Variants in CEP295NL observed in about 807,000 individuals in gnomAD.
CEP295NL encodes the protein protein DDC8 homolog.
Under a neutral mutation model 4.6 loss-of-function variants are expected in CEP295NL, and 3 were observed. The observed-to-expected ratio is 0.65, with a 90% CI of 0.30 to 1.69. The LOEUF (loss-of-function observed/expected upper bound fraction) is 1.69, where lower values mean the gene tolerates loss of function less well. Among genes scored for constraint, CEP295NL ranks in the 40% most tolerant of loss-of-function variants. The probability of loss-of-function intolerance (pLI) is 0.10; values close to 1 mark genes in which losing one functional copy is unlikely to be tolerated. For synonymous variants in CEP295NL, 295 were observed against 312.2 expected (o/e 0.94, Z 0.58); for missense variants, 719 against 769.0 (o/e 0.93, Z 0.77).
chr17:78,890,771 C>T lies in CEP295NL; in HGVS notation c.1733G>A (p.Ser578Asn). Reference sequence around the variant, plus strand: ...ACTGTGCCGGTCGTCGTCGGCGAGGCTGGTGCCCGATGGGGAAGTGGTGCT... The same window carrying T: ...ACTGTGCCGGTCGTCGTCGGCGAGGTTGGTGCCCGATGGGGAAGTGGTGCT... ...ELSTTSPSGT[S>N]LADDDRHSQM... Residue 578 changes from serine (S) to asparagine (N), a missense_variant, in exon 3 of 3, where the codon AGC becomes AAC. By Grantham distance (46) the Ser-to-Asn change is conservative. Transcript: ENST00000322630. The T allele has an allele frequency of 6.4e-7, 1 of 1,550,634 alleles. No homozygotes were observed.
rs1416519524 is a variant in CEP295NL, at chr17:78,896,108, G to A, written c.45-3649C>T. Among the ~76,000 whole-genome samples the A allele has an allele frequency of 3.9e-5, 6 of 152,154 alleles. No homozygotes were observed. The highest frequency in any genetic ancestry group is 8.8e-5 in the Non-Finnish European group (6 of 68,026). ...AATTGCAGCCAGCTCCATCCTTCAGGAATCGATCCCCGCTCTGACACCATC... is the reference window on the plus strand; with the variant it reads ...AATTGCAGCCAGCTCCATCCTTCAGAAATCGATCCCCGCTCTGACACCATC... On this transcript the variant is annotated intron_variant, in intron 2 of 2. Transcript: ENST00000322630. This position sits in a 1 kb window ranked among gnomAD's most constrained non-coding sequence, Gnocchi z 4.4.
chr17:78,894,322 A>T (rs753405678), intron 2 of CEP295NL, among the ~76,000 whole-genome samples: 3 of 151,780 alleles, frequency 2.0e-5, no homozygotes, highest in Non-Finnish European at 4.4e-5. Context: ...CCTTTGACCA[A>T]CCTCAGGTGG....
chr17:78,894,760 A>G, intron 2 of CEP295NL, among the ~76,000 whole-genome samples: 1 of 152,132 alleles, frequency 6.6e-6, no homozygotes, highest in African/African-American at 2.4e-5. Flanking sequence ...TAGATACAAC[A>G]CCAAAAGCAC....
At chr17:78,893,694 T>A (rs1446020426) in intron 2 of CEP295NL, among the ~76,000 whole-genome samples, 2 of 152,026 alleles carry the variant, frequency 1.3e-5, no homozygotes, top group African/African-American at 4.8e-5. Flanking sequence ...GTCTGATACT[T>A]GAATCCAGTA....
Position 78,896,417 on chromosome 17 carries a change from G to C in CEP295NL, c.45-3958C>G, listed in dbSNP as rs1196750174. 6.6e-6 allele frequency among the ~76,000 whole-genome samples: 1 copy of C among 152,160 alleles called. No homozygotes were observed. Among genetic ancestry groups the C allele is most frequent in the East Asian group, 1.9e-4 (1 of 5,190 alleles). ...GCCAGACAGGACGTCGGGTGCCCTT[G>C]GCAGGACACTTGCCAATGAAGACAG... On this transcript the variant is annotated intron_variant, in intron 2 of 2. Transcript: ENST00000322630. The surrounding 1 kb of genome is among the most constrained non-coding windows in gnomAD (Gnocchi z 4.4).
intron 2 of CEP295NL, 37 bp from the exon 3 acceptor site, chr17:78,892,496 C>A (rs376676045): frequency 1.3e-6 from 2 of 1,519,280 alleles, no homozygotes; most frequent in Admixed American, 2.1e-5. Context: ...CTTTCCAGAT[C>A]GCTCCCAGGA....
chr17:78,892,561 T>C (rs1010228148), intron 2 of CEP295NL, 102 bp from the exon 3 acceptor site: 2 of 1,452,696 alleles, frequency 1.4e-6, no homozygotes, highest in South Asian at 1.5e-5. Flanking sequence ...GAGGACAGGC[T>C]GCAAAATGTG....
chr17:78,895,092 C>T (rs2069977768), intron 2 of CEP295NL, among the ~76,000 whole-genome samples: 1 of 152,104 alleles, frequency 6.6e-6, no homozygotes, highest in Admixed American at 6.5e-5. Context: ...AGCAGCCTAA[C>T]CAACATGGTG....
chr17:78,902,470 T>A (rs563827157), intron 1 of CEP295NL, among the ~76,000 whole-genome samples: 2 of 152,298 alleles, frequency 1.3e-5, no homozygotes, highest in Admixed American at 1.3e-4. Context: ...CACGTTAGAA[T>A]GAGTCCTGGC....
rs191887406 is a variant in CEP295NL at position 78,893,129 on chromosome 17, A to G, written c.45-670T>C. On this transcript the variant is annotated intron_variant, in intron 2 of 2. Coordinates refer to ENST00000322630, the MANE Select transcript of CEP295NL (RefSeq NM_001243540.2). ...TGTGTGCACATGCACATGTGTGTGCAGGGGTGTGTGTGCGTACATGTGTGT... is the reference window on the plus strand; with the variant it reads ...TGTGTGCACATGCACATGTGTGTGCGGGGGTGTGTGTGCGTACATGTGTGT... Among the ~76,000 whole-genome samples the G allele has an allele frequency of 1.5e-4, 20 of 135,508 alleles. No individual in the cohort carries two copies. The East Asian group carries it at 4.7e-3, about 32-fold the overall frequency. 88.9% of individuals were successfully genotyped at this position (135,508 alleles called of 152,430 possible).
chr17:78,894,852 A>G (rs2069974041), intron 2 of CEP295NL, among the ~76,000 whole-genome samples: 1 of 152,222 alleles, frequency 6.6e-6, no homozygotes, highest in Non-Finnish European at 1.5e-5. Context: ...AAAAGGTACC[A>G]TAAGTAAAGT....
At chr17:78,894,278 G>C (rs978836994) in intron 2 of CEP295NL, among the ~76,000 whole-genome samples, 2 of 152,038 alleles carry the variant, frequency 1.3e-5, no homozygotes, top group Admixed American at 6.6e-5. Flanking sequence ...AAGTGGCAGA[G>C]ACAGGCCCTC....
chr17:78,893,557 CTG>C (rs1351382680), intron 2 of CEP295NL, among the ~76,000 whole-genome samples: 1 of 150,998 alleles, frequency 6.6e-6, no homozygotes, highest in Non-Finnish European at 1.5e-5. Flanking sequence ...GCCTGCACAT[CTG>C]TGTGTACAGG....
chr17:78,891,893 G>A lies in CEP295NL; in HGVS notation c.611C>T (p.Pro204Leu). The A allele has an allele frequency of 6.4e-7, 1 of 1,550,600 alleles. No individual in the cohort carries two copies. The highest frequency in any genetic ancestry group is 8.7e-7 in the Non-Finnish European group (1 of 1,147,000). Residue 204 changes from proline to leucine, a missense_variant, in exon 3 of 3, where the codon CCA becomes CTA. Coordinates refer to ENST00000322630, the MANE Select transcript of CEP295NL (RefSeq NM_001243540.2). This position sits in a 1 kb window ranked among gnomAD's most constrained non-coding sequence, Gnocchi z 4.5. Reference sequence around the variant, plus strand: ...CCGACCCGTGGCTTTTGTAGTCTGTGGTTTCTCTGGACTCGCTGCTGTCTT... The same window carrying A: ...CCGACCCGTGGCTTTTGTAGTCTGTAGTTTCTCTGGACTCGCTGCTGTCTT... ...PRKTAASPEK[P>L]QTTKATGRMN...
intron 2 of CEP295NL, among the ~76,000 whole-genome samples, chr17:78,900,483 T>C (rs183741868): frequency 6.6e-6 from 1 of 151,060 alleles, no homozygotes; most frequent in African/African-American, 2.4e-5. Context: ...AGGCGGAGGT[T>C]GCAGTGAGCC....
intron 2 of CEP295NL, chr17:78,897,473 C>T (rs2070021097): frequency 6.6e-6 from 1 of 152,250 alleles, no homozygotes; most frequent in South Asian, 2.1e-4. Context: ...GGCTCAGACC[C>T]TCCAACTACC....
intron 2 of CEP295NL, chr17:78,897,106 C>A: frequency 1.8e-6 from 1 of 555,884 alleles, no homozygotes; most frequent in Admixed American, 6.3e-5. Flanking sequence ...CCCCCCCGCC[C>A]CCCGCCGGCC....
In CEP295NL at chr17:78,891,329, C is replaced by A. The variant is rs1192194356; in HGVS notation, c.1175G>T (p.Gly392Val). 7.1e-6 allele frequency: 11 copies of A among 1,550,124 alleles called. No homozygotes were observed. The highest frequency in any genetic ancestry group is 9.6e-6 in the Non-Finnish European group (11 of 1,146,900). The change falls in exon 3 of 3, where the codon GGG (glycine) becomes GTG (valine). Residue 392 changes from glycine (G) to valine (V), a missense_variant. By Grantham distance (109) the Gly-to-Val change is moderately radical. Coordinates refer to ENST00000322630, the MANE Select transcript of CEP295NL (RefSeq NM_001243540.2). The surrounding 1 kb of genome is among the most constrained non-coding windows in gnomAD (Gnocchi z 4.5). ...MQECGAGTPR[G>V]KKMADPEMLP... Reference sequence around the variant, plus strand: ...CATCTCTGGGTCTGCCATTTTCTTCCCTCTTGGGGTCCCAGCGCCACACTC... The same window carrying A: ...CATCTCTGGGTCTGCCATTTTCTTCACTCTTGGGGTCCCAGCGCCACACTC...
intron 2 of CEP295NL, among the ~76,000 whole-genome samples, chr17:78,900,402 A>T (rs971552172): frequency 5.9e-5 from 9 of 152,112 alleles, no homozygotes; most frequent in Non-Finnish European, 8.8e-5. Context: ...AAAATTAGCC[A>T]GGTGTGGTGG....
Sources: gnomAD v4.1 joint callset for allele counts (sites outside exome capture counted in the v4.1 genomes callset) on GRCh38, gnomAD v4.1.1 for gene constraint, Gnocchi (gnomAD v3.1) non-coding constraint, MANE v1.5 for transcripts, NCBI Gene and HGNC (gene_info 2026-07-23, HGNC 2026-07-21) for gene names.